The following CNTN5 variants were observed in gnomAD, a reference collection of about 807,000 sequenced individuals.
The protein encoded by CNTN5 is contactin-5.
In CNTN5, 77 loss-of-function variants were observed where a neutral mutation model predicts 129.1. That is an observed-to-expected ratio of 0.60 (90% CI 0.50 to 0.72). The LOEUF (loss-of-function observed/expected upper bound fraction) is 0.72, where lower values mean the gene tolerates loss of function less well. CNTN5 is among the 30% of genes least tolerant of loss of function. The pLI, the probability that CNTN5 is intolerant of heterozygous loss-of-function variation, is 0.00. For synonymous variants in CNTN5, 509 were observed against 465.6 expected (o/e 1.09, Z -1.20); for missense variants, 1,478 against 1,328.8 (o/e 1.11, Z -1.75).
chr11:99,086,350 T>A lies in CNTN5; in HGVS notation c.-210+65080T>A, dbSNP rs1389018323. On this transcript the variant is annotated intron_variant, in intron 1 of 24. Transcript: ENST00000524871. ...CTGTCAAGGAATACCTGGAGCTGGGTAATTTATAAAGAGGTTTAATTGGCT... is the reference window on the plus strand; with the variant it reads ...CTGTCAAGGAATACCTGGAGCTGGGAAATTTATAAAGAGGTTTAATTGGCT... Among the ~76,000 whole-genome samples the A allele has an allele frequency of 3.9e-5, 6 of 152,140 alleles. No homozygotes were observed. In the East Asian group the frequency reaches 1.2e-3, roughly 29 times the overall value.
At chr11:99,325,224 T>C (rs1865732601) in intron 1 of CNTN5, 122 bp from the exon 2 acceptor site, 1 of 152,108 alleles carries the variant, frequency 6.6e-6, no homozygotes, top group Non-Finnish European at 1.5e-5. Flanking sequence ...AGCATAGTGA[T>C]TGTATGTATA....
chr11:99,030,866 C>T (rs753381715), intron 1 of CNTN5, among the ~76,000 whole-genome samples: 2 of 150,498 alleles, frequency 1.3e-5, no homozygotes, highest in African/African-American at 4.9e-5. Flanking sequence ...CTGCAACCTC[C>T]GCCTCCCGGG....
At chr11:99,885,866 A>T (rs893122085) in intron 6 of CNTN5, among the ~76,000 whole-genome samples, 6 of 152,156 alleles carry the variant, frequency 3.9e-5, no homozygotes, top group Non-Finnish European at 8.8e-5. Context: ...GTCCTCCAAA[A>T]GTAAAATTTT....
At chr11:100,026,252 G>A (rs562903762) in intron 9 of CNTN5, among the ~76,000 whole-genome samples, 7 of 151,736 alleles carry the variant, frequency 4.6e-5, no homozygotes, top group Non-Finnish European at 8.8e-5. Flanking sequence ...CCTGACGCCT[G>A]GTGAAGAAGA....
At chr11:99,511,362 T>A (rs940108813) in intron 2 of CNTN5, among the ~76,000 whole-genome samples, 2 of 152,096 alleles carry the variant, frequency 1.3e-5, no homozygotes, top group Non-Finnish European at 2.9e-5. Context: ...TTTGAGTGAG[T>A]TTCTTAATCC....
intron 9 of CNTN5, among the ~76,000 whole-genome samples, chr11:100,048,783 G>T (rs999821777): frequency 6.6e-6 from 1 of 151,946 alleles, no homozygotes; most frequent in African/African-American, 2.4e-5. Flanking sequence ...ATTTTGAAGA[G>T]TATAAAAATA....
intron 2 of CNTN5, among the ~76,000 whole-genome samples, chr11:99,361,943 G>C (rs1375880502): frequency 6.6e-6 from 1 of 152,012 alleles, no homozygotes; most frequent in African/African-American, 2.4e-5. Context: ...TAACACTGCT[G>C]TGTCCATCGT....
At position 99,969,530 on chromosome 11, in the gene CNTN5, A is replaced by G. The variant is rs375638493; in HGVS notation, c.877+12521A>G. 3.3e-5 allele frequency among the ~76,000 whole-genome samples: 5 copies of G among 152,226 alleles called. No homozygotes were observed. In the East Asian group the frequency reaches 5.8e-4, roughly 18 times the overall value. On this transcript the variant is annotated intron_variant, in intron 8 of 24. Transcript: ENST00000524871. Reference sequence around the variant, plus strand: ...TGCTATGCCTCTTCTTCCATTTAATAATCTCTAATTGGGCATGGGGCCTCA... The same window carrying G: ...TGCTATGCCTCTTCTTCCATTTAATGATCTCTAATTGGGCATGGGGCCTCA...
At chr11:99,956,002 C>T (rs1490445390) in intron 7 of CNTN5, among the ~76,000 whole-genome samples, 2 of 152,054 alleles carry the variant, frequency 1.3e-5, no homozygotes, top group African/African-American at 4.8e-5. Flanking sequence ...GTTTTATATC[C>T]TCTTTACTGT....
intron 1 of CNTN5, among the ~76,000 whole-genome samples, chr11:99,266,475 G>C (rs1035655230): frequency 2.0e-5 from 3 of 151,928 alleles, no homozygotes; most frequent in Non-Finnish European, 2.9e-5. Context: ...GGTGGCATGC[G>C]CCTGTATTTC....
intron 1 of CNTN5, among the ~76,000 whole-genome samples, chr11:99,047,381 C>CAAAAAAAAAA (rs539810763): frequency 2.5e-5 from 2 of 79,250 alleles, no homozygotes; most frequent in African/African-American, 4.7e-5. Context: ...TGAATTTTGG[C>CAAAAAAAAAA]AAAAAAAAAA....
chr11:99,732,586 C>T (rs1943571271), intron 3 of CNTN5, among the ~76,000 whole-genome samples: 1 of 152,144 alleles, frequency 6.6e-6, no homozygotes, highest in South Asian at 2.1e-4. Flanking sequence ...ACAGGTAAAG[C>T]ATCAGCTAAA....
At chr11:99,249,657 T>C (rs1861998949) in intron 1 of CNTN5, among the ~76,000 whole-genome samples, 1 of 152,032 alleles carries the variant, frequency 6.6e-6, no homozygotes, top group Non-Finnish European at 1.5e-5. Flanking sequence ...GAGATTTTTA[T>C]GATTCTCTTT....
At chr11:99,311,615 A>T (rs1454718451) in intron 1 of CNTN5, among the ~76,000 whole-genome samples, 2 of 152,162 alleles carry the variant, frequency 1.3e-5, no homozygotes, top group Non-Finnish European at 2.9e-5. Flanking sequence ...TCTTACTTTG[A>T]CCTTTGCCAA....
intron 9 of CNTN5, among the ~76,000 whole-genome samples, chr11:100,051,170 T>A (rs1246334996): frequency 6.6e-6 from 1 of 152,058 alleles, no homozygotes; most frequent in East Asian, 1.9e-4. Context: ...AATTGATATT[T>A]AAAGAACTCT....
At chr11:100,006,526 C>T (rs1940202361) in intron 9 of CNTN5, among the ~76,000 whole-genome samples, 1 of 152,118 alleles carries the variant, frequency 6.6e-6, no homozygotes, top group Admixed American at 6.6e-5. Flanking sequence ...CAAGAAACCC[C>T]TTTCTTTGCT....
intron 9 of CNTN5, among the ~76,000 whole-genome samples, chr11:100,035,401 T>A (rs1167331767): frequency 1.4e-5 from 2 of 145,858 alleles, no homozygotes; most frequent in African/African-American, 5.3e-5. Flanking sequence ...TCCAAGTCTT[T>A]GCTATTGTGA....
chr11:99,295,071 A>G (rs891523788), intron 1 of CNTN5, among the ~76,000 whole-genome samples: 5 of 152,152 alleles, frequency 3.3e-5, no homozygotes, highest in Non-Finnish European at 5.9e-5. Flanking sequence ...AAGAGAGACC[A>G]TTTGACTTTC....
At chr11:99,107,421 G>T (rs896782778) in intron 1 of CNTN5, among the ~76,000 whole-genome samples, 1 of 151,772 alleles carries the variant, frequency 6.6e-6, no homozygotes, top group African/African-American at 2.4e-5. Flanking sequence ...CTATGTTCTT[G>T]GTACTGCCTT....
Sources: allele counts gnomAD v4.1 joint callset (sites outside exome capture counted in the v4.1 genomes callset), GRCh38; gene constraint gnomAD v4.1.1; transcripts MANE v1.5; gene names NCBI Gene and HGNC (gene_info 2026-07-23, HGNC 2026-07-21).